The following AEBP1 variants were observed in gnomAD, a reference collection of about 807,000 sequenced individuals.
AEBP1 encodes AE binding protein 1.
In AEBP1, 69 loss-of-function variants were observed where a neutral mutation model predicts 116.5. The observed-to-expected ratio is 0.59, with a 90% confidence interval of 0.49 to 0.72. The LOEUF is 0.72. Ranked by LOEUF, AEBP1 falls within the 30% of genes least tolerant of loss-of-function variation. AEBP1 has a pLI of 0.00. For missense variants in AEBP1, 1,444 were observed against 1,557.5 expected, an observed-to-expected ratio of 0.93 and a Z score of 1.23; for synonymous variants, 627 against 627.3, an observed-to-expected ratio of 1.00 and a Z score of 0.01.
chr7:44,108,879 C>G lies in AEBP1; in HGVS notation c.941-20C>G. ...CGCAGCAGGGTCAGGGCAGCCTCAG[C>G]TGGCTCTCCCTCCCCATAGTGGACT... On this transcript the variant is annotated intron_variant, in intron 6 of 20. Coordinates refer to ENST00000223357, the MANE Select transcript of AEBP1 (RefSeq NM_001129.5). This position sits in a 1 kb window ranked among gnomAD's most constrained non-coding sequence, Gnocchi z 5.0. 6.4e-7 allele frequency: 1 copy of G among 1,560,950 alleles called. No individual in the cohort carries two copies. Among genetic ancestry groups the G allele is most frequent in the Non-Finnish European group, 8.7e-7 (1 of 1,153,048 alleles).
intron 7 of AEBP1, 25 bp from the exon 8 acceptor site, chr7:44,109,082 G>GGT: frequency 6.2e-7 from 1 of 1,613,152 alleles, no homozygotes; most frequent in African/African-American, 1.3e-5. Flanking sequence ...AGGCTGACTG[G>GGT]CCCCTCCTAC....
intron 9 of AEBP1, 88 bp from the exon 10 acceptor site, chr7:44,109,927 G>T: frequency 4.9e-6 from 6 of 1,219,322 alleles, no homozygotes; most frequent in Non-Finnish European, 7.0e-6. Context: ...CCGATGTGCC[G>T]GGAGTGGGCT....
Position 44,112,572 on chromosome 7 carries a change from C to T in AEBP1, c.2232C>T (p.Val744=), listed in dbSNP as rs745535678. The T allele has an allele frequency of 6.3e-7, 1 of 1,590,332 alleles. No homozygotes were observed. The highest frequency in any genetic ancestry group is 8.6e-7 in the Non-Finnish European group (1 of 1,164,456). Residue 744 remains valine, a synonymous_variant, in exon 18 of 21, where the codon GTC becomes GTT. Coordinates refer to ENST00000223357, the MANE Select transcript of AEBP1 (RefSeq NM_001129.5). This position sits in a 1 kb window ranked among gnomAD's most constrained non-coding sequence, Gnocchi z 6.6. ...LSPDATVSTE[V]RAIIAWMEKN... ...GGCCACTCCAGGTATCCACGGAGGT[C>T]CGGGCCATCATTGCCTGGATGGAGA...
Position 44,107,725 on chromosome 7 carries a change from C to A in AEBP1, c.739+25C>A. 1.2e-6 allele frequency: 2 copies of A among 1,613,388 alleles called. No individual in the cohort carries two copies. The highest frequency in any genetic ancestry group is 1.7e-6 in the Non-Finnish European group (2 of 1,179,916). ...TGTGAGTAGGGTCCTGCCAGCCCCA[C>A]CTGGGTCGGACCCCTGGCCTGGGGG... On this transcript the variant is annotated intron_variant, in intron 4 of 20. Transcript: ENST00000223357. The surrounding 1 kb of genome is among the most constrained non-coding windows in gnomAD (Gnocchi z 4.3).
Position 44,113,320 on chromosome 7 carries a change from TGTGA to T in AEBP1, c.2782_2785del (p.Ser928AlafsTer6). On this transcript the variant is annotated frameshift_variant, in exon 20 of 21. Transcript: ENST00000223357. LOFTEE classifies it low-confidence loss of function (END_TRUNC). The surrounding 1 kb of genome is among the most constrained non-coding windows in gnomAD (Gnocchi z 5.3). ...TCCCCATTGCCAACGCCACCATCTC[TGTGA>T]GTGGCATTAATCACGGCGTGAAGAC... The T allele has an allele frequency of 6.2e-7, 1 of 1,613,390 alleles. No homozygotes were observed. Among genetic ancestry groups the T allele is most frequent in the Non-Finnish European group, 8.5e-7 (1 of 1,179,768 alleles).
In AEBP1 at chr7:44,112,906, G is replaced by C. The variant is rs1451981425; in HGVS notation, c.2566G>C (p.Gly856Arg). Reference protein sequence around the residue: ...VNGAKWNPRTGTINDFSYLHT... With the variant: ...VNGAKWNPRTRTINDFSYLHT... ...CGGGGCCAAGTGGAACCCCCGGACC[G>C]GGAGTGAGTCAGCCTGGGAGGGGCT... Residue 856 changes from glycine (G) to arginine (R), a missense_variant, in exon 18 of 21, where the codon GGG (glycine) becomes CGG (arginine). Gly to Arg is a moderately radical substitution (Grantham distance 125). Coordinates refer to ENST00000223357, the MANE Select transcript of AEBP1 (RefSeq NM_001129.5). The surrounding 1 kb of genome is among the most constrained non-coding windows in gnomAD (Gnocchi z 6.6). 12 of 1,610,218 alleles carry C rather than the reference G, an allele frequency of 7.5e-6. No individual in the cohort carries two copies. In the East Asian group the frequency reaches 1.6e-4, roughly 21 times the overall value.
chr7:44,111,647 G>T lies in AEBP1; in HGVS notation c.1840+17G>T, dbSNP rs754564210. On this transcript the variant is annotated intron_variant, in intron 15 of 20. Transcript: ENST00000223357. The surrounding 1 kb of genome is among the most constrained non-coding windows in gnomAD (Gnocchi z 4.7). ...ATGAACTGGGTGAGGGTCTGTGGGG[G>T]CCAGCAGCTGGCCTCTGCTGCTGAT... 3.7e-6 allele frequency: 6 copies of T among 1,609,860 alleles called. No homozygotes were observed. In the South Asian group the frequency reaches 5.5e-5, roughly 15 times the overall value.
intron 11 of AEBP1, 111 bp from the exon 12 acceptor site, chr7:44,110,611 TGCA>T (rs2096228290): frequency 9.1e-7 from 1 of 1,093,690 alleles, no homozygotes; most frequent in Non-Finnish European, 1.3e-6. Context: ...ACCTGGGCCG[TGCA>T]GCACCACCCT....
Position 44,104,674 on chromosome 7 carries a change from C to A in AEBP1, c.9C>A (p.Ala3=). ...CCGCGCGTGCCGCGGCCATGGCGGC[C>A]GTGCGCGGGGCGCCCCTGCTCAGCT... MA[A]VRGAPLLSCL... The change falls in exon 1 of 21, where the codon GCC becomes GCA. Residue 3 remains alanine (A), a synonymous_variant. Coordinates refer to ENST00000223357, the MANE Select transcript of AEBP1 (RefSeq NM_001129.5). 2 of 1,517,454 alleles carry A rather than the reference C, an allele frequency of 1.3e-6. No homozygotes were observed. Among genetic ancestry groups the A allele is most frequent in the Non-Finnish European group, 1.8e-6 (2 of 1,136,396 alleles). The allele number at this position is 1,517,454 out of a possible 1,614,324, so 94.0% of individuals were successfully genotyped here.
rs1583554903 is a variant in AEBP1, at chr7:44,112,393, G to A, written c.2217+72G>A. 3 of 1,491,946 alleles carry A rather than the reference G, an allele frequency of 2.0e-6. No individual in the cohort carries two copies. Among genetic ancestry groups the A allele is most frequent in the South Asian group, 2.7e-5 (2 of 73,672 alleles). 92.4% of individuals were successfully genotyped at this position (1,491,946 alleles called of 1,614,324 possible). ...CTGGGGTCCTGGTGTTCTGGGCTTG[G>A]GGGTGGGGCTGACGGTGCCTGAACT... is the stretch of plus-strand genomic sequence containing the variant. On this transcript the variant is annotated intron_variant, in intron 17 of 20. Transcript: ENST00000223357. The surrounding 1 kb of genome is among the most constrained non-coding windows in gnomAD (Gnocchi z 6.6).
chr7:44,108,080 T>A lies in AEBP1; in HGVS notation c.936T>A (p.Asp312Glu). 1.3e-6 allele frequency: 2 copies of A among 1,599,314 alleles called. No individual in the cohort carries two copies. The highest frequency in any genetic ancestry group is 1.7e-6 in the Non-Finnish European group (2 of 1,174,266). The change falls in exon 6 of 21, where the codon GAT (aspartate) becomes GAA (glutamate). Residue 312 changes from aspartate to glutamate, a missense_variant. Coordinates refer to ENST00000223357, the MANE Select transcript of AEBP1 (RefSeq NM_001129.5). The surrounding 1 kb of genome is among the most constrained non-coding windows in gnomAD (Gnocchi z 5.0). ...YGDGYVIPNYDDMDYYFGPPP... is the reference protein window; with the variant it reads ...YGDGYVIPNYEDMDYYFGPPP... The stretch of plus-strand genomic sequence containing the variant: ...ATGGTTACGTGATCCCCAACTACGA[T>A]GACAGTGAGTACCCAGCACCCCAGA...
rs756498519 is a variant in AEBP1, at chr7:44,109,389, G to T, written c.1150+48G>T. The T allele has an allele frequency of 5.5e-6, 8 of 1,443,794 alleles. No homozygotes were observed. The East Asian group carries it at 9.3e-5, about 17-fold the overall frequency. 89.4% of individuals were successfully genotyped at this position (1,443,794 alleles called of 1,614,324 possible). A position where few individuals can be genotyped will look rare whatever the true frequency, so the allele number is the denominator to read the frequency against. On this transcript the variant is annotated intron_variant, in intron 9 of 20. Coordinates refer to ENST00000223357, the MANE Select transcript of AEBP1 (RefSeq NM_001129.5). ...TGAGGGTGGGGGCCACAGGATGGGGGTGCTGGGACAAGTGACTGGCCCAAT... is the reference window on the plus strand; with the variant it reads ...TGAGGGTGGGGGCCACAGGATGGGGTTGCTGGGACAAGTGACTGGCCCAAT...
rs1562684880 is a variant in AEBP1, at chr7:44,107,564, C to G, written c.667+54C>G. 1 of 1,613,102 alleles carries G rather than the reference C, an allele frequency of 6.2e-7. No individual in the cohort carries two copies. The highest frequency in any genetic ancestry group is 1.3e-5 in the African/African-American group (1 of 74,920). ...GGGCCAGCTGCCCTGGCTGGTTGGACTGAGGGCTTCCCCAGAGTAGGCCTG... is the reference window on the plus strand; with the variant it reads ...GGGCCAGCTGCCCTGGCTGGTTGGAGTGAGGGCTTCCCCAGAGTAGGCCTG... On this transcript the variant is annotated intron_variant, in intron 3 of 20. Transcript: ENST00000223357. This position sits in a 1 kb window ranked among gnomAD's most constrained non-coding sequence, Gnocchi z 4.3.
At position 44,106,615 on chromosome 7, in the gene AEBP1, A is replaced by G; in HGVS notation, c.323A>G (p.Glu108Gly). The G allele has an allele frequency of 6.2e-7, 1 of 1,612,666 alleles. No homozygotes were observed. The highest frequency in any genetic ancestry group is 1.1e-5 in the South Asian group (1 of 90,862). Residue 108 changes from glutamate (E) to glycine (G), a missense_variant, in exon 2 of 21, where the codon GAG becomes GGG. Glu to Gly is a moderately conservative substitution (Grantham distance 98). Coordinates refer to ENST00000223357, the MANE Select transcript of AEBP1 (RefSeq NM_001129.5). ...GACAAAGGCCCCAAGGTGCCCAAGG[A>G]GTCCTTGGAGGGGTCCCCCAGGCCG... ...KKDKGPKVPK[E>G]SLEGSPRPPK...
intron 1 of AEBP1, 52 bp downstream of exon 1, chr7:44,104,970 A>C (rs1335308511): frequency 2.1e-6 from 3 of 1,411,488 alleles, no homozygotes; most frequent in Non-Finnish European, 2.8e-6. Flanking sequence ...CTCAGGTGGG[A>C]ACAGGGGGAT....
chr7:44,110,438 C>G, intron 11 of AEBP1, 92 bp downstream of exon 11: 1 of 1,566,890 alleles, frequency 6.4e-7, no homozygotes, highest in Non-Finnish European at 8.7e-7. Context: ...GTGGGCCCTT[C>G]TTTGGCCCAG....
At position 44,112,665 on chromosome 7, in the gene AEBP1, G is replaced by A; in HGVS notation, c.2325G>A (p.Met775Ile). The change falls in exon 18 of 21, where the codon ATG (methionine) becomes ATA (isoleucine). Residue 775 changes from methionine to isoleucine, a missense_variant. By Grantham distance (10) the Met-to-Ile change is conservative. Transcript: ENST00000223357. This position sits in a 1 kb window ranked among gnomAD's most constrained non-coding sequence, Gnocchi z 6.6. Reference sequence around the variant, plus strand: ...GGCTAGTATCCTACCCCTACGATATGGCCCGCACGCCTACCCAGGAGCAGC... The same window carrying A: ...GGCTAGTATCCTACCCCTACGATATAGCCCGCACGCCTACCCAGGAGCAGC... ...GERLVSYPYD[M>I]ARTPTQEQLL... 6.2e-7 allele frequency: 1 copy of A among 1,613,228 alleles called. No individual in the cohort carries two copies. Among genetic ancestry groups the A allele is most frequent in the Non-Finnish European group, 8.5e-7 (1 of 1,179,990 alleles).
Position 44,113,321 on chromosome 7 carries a change from G to T in AEBP1, c.2779G>T (p.Val927Leu). 2 of 1,613,412 alleles carry T rather than the reference G, an allele frequency of 1.2e-6. No homozygotes were observed. The highest frequency in any genetic ancestry group is 1.7e-6 in the Non-Finnish European group (2 of 1,179,794). The change falls in exon 20 of 21, where the codon GTG becomes TTG. Residue 927 changes from valine (V) to leucine (L), a missense_variant. Physicochemically the swap from Val to Leu is conservative, Grantham distance 32. Transcript: ENST00000223357. The surrounding 1 kb of genome is among the most constrained non-coding windows in gnomAD (Gnocchi z 5.3). ...CCCCATTGCCAACGCCACCATCTCTGTGAGTGGCATTAATCACGGCGTGAA... is the reference window on the plus strand; with the variant it reads ...CCCCATTGCCAACGCCACCATCTCTTTGAGTGGCATTAATCACGGCGTGAA... ...GIPIANATIS[V>L]SGINHGVKTA...
chr7:44,112,287 C>A lies in AEBP1; in HGVS notation c.2183C>A (p.Pro728His), dbSNP rs562206142. The change falls in exon 17 of 21, where the codon CCC becomes CAC. Residue 728 changes from proline (P) to histidine (H), a missense_variant. Physicochemically the swap from Pro to His is moderately conservative, Grantham distance 77. Transcript: ENST00000223357. The surrounding 1 kb of genome is among the most constrained non-coding windows in gnomAD (Gnocchi z 6.6). ...TACCGGGTCCCCAACAATAACTTGC[C>A]CATCCCTGAACGCTACCTTTCGCCA... The part of the protein sequence containing the change: ...VPYRVPNNNL[P>H]IPERYLSPDA... The A allele has an allele frequency of 6.3e-7, 1 of 1,581,356 alleles. No homozygotes were observed. The highest frequency in any genetic ancestry group is 8.6e-7 in the Non-Finnish European group (1 of 1,160,360).
Sources: gnomAD v4.1 joint callset for allele counts on GRCh38, gnomAD v4.1.1 for gene constraint, Gnocchi (gnomAD v3.1) non-coding constraint, MANE v1.5 for transcripts, NCBI Gene and HGNC (gene_info 2026-07-23, HGNC 2026-07-21) for gene names.